SLC36A1: variants seen among roughly 807,000 people sequenced by gnomAD.
SLC36A1 encodes the protein solute carrier family 36 member 1, also known as proton-coupled amino acid transporter 1.
A neutral mutation model predicts 47.5 loss-of-function variants in SLC36A1; 30 were observed. The observed-to-expected ratio is 0.63, with a 90% confidence interval of 0.47 to 0.86. The LOEUF is 0.86. Among genes scored for constraint, SLC36A1 ranks in the 40% least tolerant of loss-of-function variants. The pLI is 0.00. For missense variants in SLC36A1, 517 were observed against 606.0 expected (o/e 0.85, Z 1.54); for synonymous variants, 255 against 249.7 (o/e 1.02, Z -0.20).
chr5:151,533,438 G>A, the SLC36A1 span, among the ~76,000 whole-genome samples: 3 of 99,064 alleles, frequency 3.0e-5, no homozygotes, highest in Non-Finnish European at 4.5e-5. Context: ...ACACACACAC[G>A]CTTTCCAGGT....
chr5:151,347,475 CAAG>C, the SLC36A1 span: 1 of 1,613,312 alleles, frequency 6.2e-7, no homozygotes, highest in Non-Finnish European at 8.5e-7. Context: ...GCTTAAGAAA[CAAG>C]GAGCTCGGGG....
intron 7 of SLC36A1, among the ~76,000 whole-genome samples, chr5:151,468,657 C>G (rs1170174496): frequency 6.6e-6 from 1 of 151,428 alleles, no homozygotes; most frequent in Non-Finnish European, 1.5e-5. Flanking sequence ...TTATGACAAC[C>G]AAAAATGTCT....
chr5:151,389,654 C>A, the SLC36A1 span, among the ~76,000 whole-genome samples: 1 of 148,056 alleles, frequency 6.8e-6, no homozygotes, highest in South Asian at 2.1e-4. Context: ...TGAGAACATG[C>A]GGTGTTTGGT....
intron 9 of SLC36A1, chr5:151,477,418 T>C (rs1758219906): frequency 6.5e-6 from 1 of 153,028 alleles, no homozygotes; most frequent in African/African-American, 2.4e-5. Flanking sequence ...GGGTGTGCTT[T>C]TTATTTTGTT....
At chr5:151,372,171 T>C in the SLC36A1 span, among the ~76,000 whole-genome samples, 1 of 152,312 alleles carries the variant, frequency 6.6e-6, no homozygotes, top group South Asian at 2.1e-4. Flanking sequence ...TCTGGGACTC[T>C]AGCACAGAGT....
the SLC36A1 span, among the ~76,000 whole-genome samples, chr5:151,534,129 G>T: frequency 1.6e-4 from 24 of 152,266 alleles, no homozygotes; most frequent in African/African-American, 5.3e-4. Flanking sequence ...TGCCTTTGTG[G>T]TTAAATGGCA....
chr5:151,398,661 A>G, the SLC36A1 span, among the ~76,000 whole-genome samples: 1 of 152,244 alleles, frequency 6.6e-6, no homozygotes, highest in Non-Finnish European at 1.5e-5. Flanking sequence ...ATCAGCTCCC[A>G]ATAATTCAGT....
chr5:151,543,327 T>C, the SLC36A1 span: 2 of 1,614,194 alleles, frequency 1.2e-6, no homozygotes, highest in Non-Finnish European at 1.7e-6. Flanking sequence ...CCGGAGAGTC[T>C]TTACTGACAT....
At chr5:151,347,776 A>G in the SLC36A1 span, among the ~76,000 whole-genome samples, 5 of 152,234 alleles carry the variant, frequency 3.3e-5, no homozygotes, top group Non-Finnish European at 7.3e-5. Context: ...AATAACAAAT[A>G]TCTATTAAGC....
the SLC36A1 span, among the ~76,000 whole-genome samples, chr5:151,424,788 T>A: frequency 6.6e-6 from 1 of 152,176 alleles, no homozygotes; most frequent in Non-Finnish European, 1.5e-5. Context: ...AACTAAGCTG[T>A]CAATTCCCAT....
intron 9 of SLC36A1, 82 bp from the exon 10 acceptor site, chr5:151,479,238 G>A (rs538043193): frequency 1.2e-5 from 17 of 1,457,038 alleles, no homozygotes; most frequent in Middle Eastern, 1.8e-4. Context: ...TCAACAAATC[G>A]CAATGGGACC....
chr5:151,401,238 G>T, the SLC36A1 span, among the ~76,000 whole-genome samples: 1 of 152,072 alleles, frequency 6.6e-6, no homozygotes, highest in South Asian at 2.1e-4. Flanking sequence ...TTCTGCATAT[G>T]TTCTAGCCAG....
At chr5:151,513,015 A>G in the SLC36A1 span, among the ~76,000 whole-genome samples, 4 of 152,234 alleles carry the variant, frequency 2.6e-5, no homozygotes, top group African/African-American at 7.2e-5. Context: ...GCAGTTCTCA[A>G]AGTAGGTCCC....
the SLC36A1 span, among the ~76,000 whole-genome samples, chr5:151,523,750 C>G: frequency 6.6e-6 from 1 of 152,174 alleles, no homozygotes; most frequent in South Asian, 2.1e-4. Flanking sequence ...GAGCTGCCAA[C>G]TCCAATTCCC....
chr5:151,362,435 G>C, the SLC36A1 span, among the ~76,000 whole-genome samples: 1 of 146,296 alleles, frequency 6.8e-6, no homozygotes, highest in African/African-American at 2.5e-5. Context: ...CTGCCTCCCA[G>C]GCTGGAGTGC....
chr5:151,455,122 T>C (rs191747888), intron 1 of SLC36A1, among the ~76,000 whole-genome samples: 339 of 152,260 alleles, frequency 2.2e-3, no homozygotes, highest in Non-Finnish European at 3.4e-3. Flanking sequence ...ATGTGTAACA[T>C]CTAGCATGTA....
At chr5:151,456,304 C>T (rs372604581) in intron 1 of SLC36A1, among the ~76,000 whole-genome samples, 1 of 152,184 alleles carries the variant, frequency 6.6e-6, no homozygotes, top group African/African-American at 2.4e-5. Flanking sequence ...ACACTGCACT[C>T]AGCTGCTGTT....
the SLC36A1 span, among the ~76,000 whole-genome samples, chr5:151,525,523 T>C: frequency 3.3e-5 from 5 of 152,120 alleles, no homozygotes; most frequent in African/African-American, 1.2e-4. Flanking sequence ...TTATTACCAG[T>C]ATTACTTTAA....
chr5:151,489,368 A>G lies in SLC36A1; in HGVS notation c.*1114A>G, dbSNP rs1349747578. The G allele has an allele frequency of 6.5e-6, 1 of 152,682 alleles. No homozygotes were observed. The highest frequency in any genetic ancestry group is 1.9e-4 in the East Asian group (1 of 5,198). 9.5% of individuals were successfully genotyped at this position (152,682 alleles called of 1,614,324 possible). A position where few individuals can be genotyped will look rare whatever the true frequency, so the allele number is the denominator to read the frequency against. The stretch of plus-strand genomic sequence containing the variant: ...TCTGTTGCCATCGTGCTGGGACGAC[A>G]CCAGCTCTATTGCCACCGATGAGTA... On this transcript the variant is annotated 3_prime_UTR_variant, in exon 11 of 11. Transcript: ENST00000243389. This position sits in a 1 kb window ranked among gnomAD's most constrained non-coding sequence, Gnocchi z 4.5.
Sources: allele counts gnomAD v4.1 joint callset (sites outside exome capture counted in the v4.1 genomes callset), GRCh38; gene constraint gnomAD v4.1.1; non-coding constraint Gnocchi (gnomAD v3.1); transcripts MANE v1.5; gene names NCBI Gene and HGNC (gene_info 2026-07-23, HGNC 2026-07-21).